The following BACE1 variants were observed in gnomAD, a reference collection of about 807,000 sequenced individuals.
BACE1 encodes the protein APP beta-secretase.
A neutral mutation model predicts 54.0 loss-of-function variants in BACE1; 21 were observed. The ratio of observed to expected loss-of-function variants is 0.39; its 90% CI spans 0.28 to 0.56. The LOEUF (loss-of-function observed/expected upper bound fraction) is 0.56, where lower values mean the gene tolerates loss of function less well. Among genes scored for constraint, BACE1 ranks in the 20% least tolerant of loss-of-function variants. BACE1 has a pLI of 0.63. For synonymous variants in BACE1, 232 were observed against 260.9 expected, an observed-to-expected ratio of 0.89 and a Z score of 1.07; for missense variants, 511 against 661.2, an observed-to-expected ratio of 0.77 and a Z score of 2.49.
At chr11:117,291,155 A>T in intron 6 of BACE1, 106 bp from the exon 7 acceptor site, 1 of 1,415,918 alleles carries the variant, frequency 7.1e-7, no homozygotes, top group Non-Finnish European at 9.6e-7. Flanking sequence ...TTTCCAGTGA[A>T]ATATCTAAAG....
rs780531036 is a variant in BACE1 at position 117,289,778 on chromosome 11, C to T, written c.1294G>A (p.Glu432Lys). ...ATGTCCAAGGTGACAAAAGGGCCTT[C>T]CACCGCTGCCGTCCTGAACTCATCG... ...VHDEFRTAAV[E>K]GPFVTLDMED... The change falls in exon 9 of 9, where the codon GAA becomes AAA. Residue 432 changes from glutamate (E) to lysine (K), a missense_variant. Transcript: ENST00000313005. The T allele has an allele frequency of 4.3e-6, 7 of 1,614,214 alleles. No individual in the cohort carries two copies. Among genetic ancestry groups the T allele is most frequent in the Non-Finnish European group, 5.9e-6 (7 of 1,180,028 alleles).
chr11:117,290,582 C>G lies in BACE1; in HGVS notation c.1170G>C (p.Thr390=), dbSNP rs150730974. 4 of 1,614,224 alleles carry G rather than the reference C, an allele frequency of 2.5e-6. No individual in the cohort carries two copies. ...CYKFAISQSS[T]GTVMGAVIME... ...TGATAACAGCTCCCATAACAGTGCC[C>G]GTGGATGACTGTGAGATGGCAAACT... Residue 390 remains threonine (T), a synonymous_variant, in exon 8 of 9, where the codon ACG becomes ACC. Transcript: ENST00000313005.
chr11:117,315,442 CCCA>C lies in BACE1; in HGVS notation c.261+90_261+92del. ...GGGTCCCTCCTGCTGTCCCCACCAG[CCCA>C]TTTGAGCAGGGGCTAGCTTGAGGCA... On this transcript the variant is annotated intron_variant, in intron 1 of 8. Transcript: ENST00000313005. This position sits in a 1 kb window ranked among gnomAD's most constrained non-coding sequence, Gnocchi z 5.5. 23 of 1,487,242 alleles carry C rather than the reference CCCA, an allele frequency of 1.5e-5. No individual in the cohort carries two copies. Among genetic ancestry groups the C allele is most frequent in the Non-Finnish European group, 2.1e-5 (23 of 1,120,142 alleles). The allele number at this position is 1,487,242 out of a possible 1,614,324, so 92.1% of individuals were successfully genotyped here.
chr11:117,306,188 C>A (rs1483059709), intron 1 of BACE1, among the ~76,000 whole-genome samples: 1 of 152,192 alleles, frequency 6.6e-6, no homozygotes, highest in Non-Finnish European at 1.5e-5. Context: ...CCCTCCCCTG[C>A]CTGTGCTGGC....
At chr11:117,308,171 GA>G (rs1474736069) in intron 1 of BACE1, among the ~76,000 whole-genome samples, 7 of 151,704 alleles carry the variant, frequency 4.6e-5, no homozygotes, top group Admixed American at 2.0e-4. Context: ...GGAAGGAGAG[GA>G]AAAAAAGAAA....
chr11:117,295,552 G>A, intron 2 of BACE1: 1 of 1,535,800 alleles, frequency 6.5e-7, no homozygotes, highest in Non-Finnish European at 8.7e-7. Flanking sequence ...AACCATTGGT[G>A]AGGCTTGCTC....
intron 3 of BACE1, chr11:117,294,229 T>C (rs2034537275): frequency 2.8e-6 from 1 of 359,102 alleles, no homozygotes; most frequent in Non-Finnish European, 4.9e-6. Context: ...CTTTTTTTTT[T>C]TTTTGAGACA....
At position 117,295,503 on chromosome 11, in the gene BACE1, A is replaced by C. The variant is rs886733448; in HGVS notation, c.351-156T>G. On this transcript the variant is annotated intron_variant, in intron 2 of 8. Coordinates refer to ENST00000313005, the MANE Select transcript of BACE1 (RefSeq NM_012104.6). Reference sequence around the variant, plus strand: ...CAAAACATCCCTAGACTCACCACCCAGAACAGAGTGTAAAGTGGGCTTGCA... The same window carrying C: ...CAAAACATCCCTAGACTCACCACCCCGAACAGAGTGTAAAGTGGGCTTGCA... 2.0e-5 allele frequency: 31 copies of C among 1,536,424 alleles called. 1 individual carries two copies. The Middle Eastern group carries it at 1.0e-3, about 49-fold the overall frequency.
chr11:117,315,885 T>C lies in BACE1; in HGVS notation c.-90A>G. 1 of 1,338,452 alleles carries C rather than the reference T, an allele frequency of 7.5e-7. No individual in the cohort carries two copies. The allele number at this position is 1,338,452 out of a possible 1,614,324, so 82.9% of individuals were successfully genotyped here. A position where few individuals can be genotyped will look rare whatever the true frequency, so the allele number is the denominator to read the frequency against. On this transcript the variant is annotated 5_prime_UTR_variant, in exon 1 of 9. Transcript: ENST00000313005. The surrounding 1 kb of genome is among the most constrained non-coding windows in gnomAD (Gnocchi z 5.5). ...CCCAAGTCTGGGTGGTGCTGGTGGC[T>C]TCTCAGGAGAGGGAGCTTGGGGGCA... is the stretch of plus-strand genomic sequence containing the variant.
Position 117,315,357 on chromosome 11 carries a change from T to A in BACE1, c.261+178A>T, listed in dbSNP as rs2445939. Among the ~76,000 whole-genome samples, 107,769 of 152,060 alleles carry A rather than the reference T, an allele frequency of 0.71. 38,504 individuals are homozygous for A. The highest frequency in any genetic ancestry group is 0.8 in the African/African-American group (33,244 of 41,514). On this transcript the variant is annotated intron_variant, in intron 1 of 8. Transcript: ENST00000313005. The surrounding 1 kb of genome is among the most constrained non-coding windows in gnomAD (Gnocchi z 5.5). ...GCAGCCAGGGGAGACGAGGAGGGAA[T>A]GGGGAGCTTGGGAACACTTCTGCCA...
chr11:117,305,550 AG>A (rs2034811207), intron 1 of BACE1, among the ~76,000 whole-genome samples: 1 of 151,058 alleles, frequency 6.6e-6, no homozygotes, highest in South Asian at 2.1e-4. Flanking sequence ...TTTTTCAAGG[AG>A]TCCCAATGTG....
intron 1 of BACE1, among the ~76,000 whole-genome samples, chr11:117,300,390 AGC>A (rs2034697860): frequency 6.6e-6 from 1 of 152,040 alleles, no homozygotes; most frequent in African/African-American, 2.4e-5. Context: ...CCTGTCCTTC[AGC>A]GCTTCGAATG....
At chr11:117,305,279 C>T (rs2034806083) in intron 1 of BACE1, among the ~76,000 whole-genome samples, 1 of 152,024 alleles carries the variant, frequency 6.6e-6, no homozygotes, top group Non-Finnish European at 1.5e-5. Context: ...GAAAAGGGGG[C>T]AAGGAAGGAC....
chr11:117,293,553 A>C lies in BACE1; in HGVS notation c.705+318T>G. 1 of 275,394 alleles carries C rather than the reference A, an allele frequency of 3.6e-6. No homozygotes were observed. The highest frequency in any genetic ancestry group is 5.0e-5 in the Admixed American group (1 of 19,958). 17.1% of individuals were successfully genotyped at this position (275,394 alleles called of 1,614,324 possible). A position where few individuals can be genotyped will look rare whatever the true frequency, so the allele number is the denominator to read the frequency against. On this transcript the variant is annotated intron_variant, in intron 4 of 8. Transcript: ENST00000313005. This position sits in a 1 kb window ranked among gnomAD's most constrained non-coding sequence, Gnocchi z 4.1. Reference sequence around the variant, plus strand: ...TCACCATTGTTCTAATTAATTAATAAATAGACAAACTTCTTATATCTCTGC... The same window carrying C: ...TCACCATTGTTCTAATTAATTAATACATAGACAAACTTCTTATATCTCTGC...
rs756600885 is a variant in BACE1 at position 117,291,048 on chromosome 11, G to A, written c.944C>T (p.Thr315Met). 1.5e-5 allele frequency: 24 copies of A among 1,613,918 alleles called. No homozygotes were observed. The highest frequency in any genetic ancestry group is 3.3e-5 in the South Asian group (3 of 91,088). The change falls in exon 7 of 9, where the codon ACG becomes ATG. Residue 315 changes from threonine to methionine, a missense_variant and splice_region_variant. Transcript: ENST00000313005. ...AVKSIKAASS[T>M]EKFPDGFWLG... Reference sequence around the variant, plus strand: ...CCAGAAACCATCAGGGAACTTCTCCGTCTGTGTTGGCAAGAAGGGGATAAC... The same window carrying A: ...CCAGAAACCATCAGGGAACTTCTCCATCTGTGTTGGCAAGAAGGGGATAAC...
intron 1 of BACE1, among the ~76,000 whole-genome samples, chr11:117,297,534 C>T (rs1050669109): frequency 6.6e-6 from 1 of 152,106 alleles, no homozygotes. Flanking sequence ...GCATGAGACT[C>T]ACTTGACCCT....
Position 117,293,014 on chromosome 11 carries a change from T to C in BACE1, c.840+40A>G, listed in dbSNP as rs775046831. On this transcript the variant is annotated intron_variant, in intron 5 of 8. Coordinates refer to ENST00000313005, the MANE Select transcript of BACE1 (RefSeq NM_012104.6). The surrounding 1 kb of genome is among the most constrained non-coding windows in gnomAD (Gnocchi z 4.1). ...GAGTCTTCCTTCACATTGTACTGCC[T>C]ACCCCCTTATGTTCCCAGGCTCTCC... 6.2e-7 allele frequency: 1 copy of C among 1,608,506 alleles called. No individual in the cohort carries two copies. Among genetic ancestry groups the C allele is most frequent in the African/African-American group, 1.3e-5 (1 of 74,844 alleles).
Position 117,296,956 on chromosome 11 carries a change from G to A in BACE1, c.267C>T (p.Asn89=). The change falls in exon 2 of 9, where the codon AAC becomes AAT. Residue 89 remains asparagine (N), a synonymous_variant. Transcript: ENST00000313005. ...MTVGSPPQTL[N]ILVDTGSSNF... is the part of the protein sequence containing the mutation. Reference sequence around the variant, plus strand: ...TACTGCTGCCTGTATCCACCAGGATGTTGAGCTGTCAGAGAAAGGGGAGAG... The same window carrying A: ...TACTGCTGCCTGTATCCACCAGGATATTGAGCTGTCAGAGAAAGGGGAGAG... The A allele has an allele frequency of 1.2e-6, 2 of 1,613,530 alleles. No individual in the cohort carries two copies. Among genetic ancestry groups the A allele is most frequent in the Non-Finnish European group, 1.7e-6 (2 of 1,179,630 alleles).
chr11:117,301,009 G>A (rs1346800183), intron 1 of BACE1, among the ~76,000 whole-genome samples: 2 of 152,066 alleles, frequency 1.3e-5, no homozygotes, highest in Admixed American at 1.3e-4. Flanking sequence ...TTCTAAAACT[G>A]GGTTTCGCCT....
Sources: gnomAD v4.1 joint callset for allele counts (sites outside exome capture counted in the v4.1 genomes callset) on GRCh38, gnomAD v4.1.1 for gene constraint, Gnocchi (gnomAD v3.1) non-coding constraint, MANE v1.5 for transcripts, NCBI Gene and HGNC (gene_info 2026-07-23, HGNC 2026-07-21) for gene names.